TSBP1: variants seen among roughly 807,000 people sequenced by gnomAD.
TSBP1 encodes testis expressed basic protein 1.
TSBP1 carries 56 observed loss-of-function variants against 68.8 expected under a neutral mutation model. The observed-to-expected ratio is 0.81, with a 90% CI of 0.66 to 1.02. The LOEUF (loss-of-function observed/expected upper bound fraction) is 1.02. Ranked by LOEUF, TSBP1 falls within the 50% of genes least tolerant of loss-of-function variation. The pLI, the probability that TSBP1 is intolerant of heterozygous loss-of-function variation, is 0.00. For synonymous variants in TSBP1, 171 were observed against 208.7 expected (o/e 0.82, Z 1.56); for missense variants, 502 against 641.2 (o/e 0.78, Z 2.34).
chr6:32,318,670 A>G (rs888005219), intron 18 of TSBP1, among the ~76,000 whole-genome samples: 1 of 152,214 alleles, frequency 6.6e-6, no homozygotes, highest in Non-Finnish European at 1.5e-5. Context: ...GTTTGATTCC[A>G]TTTATATGAA....
intron 16 of TSBP1, among the ~76,000 whole-genome samples, chr6:32,330,151 C>T (rs1380747939): frequency 6.6e-6 from 1 of 152,048 alleles, no homozygotes; most frequent in Non-Finnish European, 1.5e-5. Context: ...TAGACTAGAC[C>T]CTGCATAGTA....
intron 6 of TSBP1, among the ~76,000 whole-genome samples, chr6:32,363,557 C>T (rs1322235019): frequency 6.7e-6 from 1 of 150,270 alleles, no homozygotes; most frequent in Non-Finnish European, 1.5e-5. Context: ...TTACCATAAG[C>T]TTACATAAAA....
chr6:32,334,581 C>A (rs1049416056), intron 14 of TSBP1, among the ~76,000 whole-genome samples: 18 of 152,088 alleles, frequency 1.2e-4, no homozygotes, highest in African/African-American at 4.1e-4. Context: ...TACTCATTGC[C>A]ATTTGAATGT....
chr6:32,324,577 A>G (rs901049952), intron 16 of TSBP1: 59 of 1,533,044 alleles, frequency 3.8e-5, no homozygotes, highest in Middle Eastern at 1.7e-4. Flanking sequence ...TTGTATCCCA[A>G]TATGGGCAGA....
intron 15 of TSBP1, among the ~76,000 whole-genome samples, chr6:32,330,871 A>C (rs9296023): frequency 2.6e-5 from 4 of 151,406 alleles, no homozygotes; most frequent in African/African-American, 9.7e-5. Context: ...GGGTTTCACC[A>C]TGTTGGCCAG....
chr6:32,332,205 A>G (rs888754015), intron 14 of TSBP1, 151 bp from the exon 16 acceptor site: 5 of 610,874 alleles, frequency 8.2e-6, no homozygotes, highest in African/African-American at 7.6e-5. Context: ...TAATCCAACT[A>G]TATTAACTAT....
At chr6:32,293,390 A>C (rs1312117631) in exon 23 of TSBP1, 2 of 1,611,962 alleles carry the variant, frequency 1.2e-6, no homozygotes, top group Non-Finnish European at 1.7e-6. Context: ...AGTCTTCTCT[A>C]CTTGGCCTTC....
In TSBP1 at chr6:32,332,033, C is replaced by G. The variant is rs749420851; in HGVS notation, c.493+1G>C. On this transcript the variant is annotated splice_donor_variant, in intron 15 of 22. Coordinates refer to ENST00000612031, the Ensembl canonical transcript of TSBP1. LOFTEE classifies it high-confidence loss of function. ...TAAGTTGATATATACAGGCAGCTTA[C>G]CAATAGGTCCTGGAGTTTGCACTAA... The G allele has an allele frequency of 2.6e-5, 41 of 1,596,976 alleles. No homozygotes were observed. Among genetic ancestry groups the G allele is most frequent in the Non-Finnish European group, 3.0e-5 (35 of 1,165,650 alleles).
chr6:32,371,831 C>T, exon 1 of TSBP1: 2 of 1,046,984 alleles, frequency 1.9e-6, no homozygotes, highest in East Asian at 4.7e-5. Context: ...GTCAGGGAGG[C>T]CCTTGTAGGC....
Position 32,365,825 on chromosome 6 carries a change from T to TGGACTCCC in TSBP1, c.217+334_217+341dup, listed in dbSNP as rs1298477721. 4.6e-6 allele frequency: 2 copies of TGGACTCCC among 434,010 alleles called. No homozygotes were observed. The highest frequency in any genetic ancestry group is 4.0e-5 in the African/African-American group (2 of 49,402). 26.9% of individuals were successfully genotyped at this position (434,010 alleles called of 1,614,324 possible). A position where few individuals can be genotyped will look rare whatever the true frequency, so the allele number is the denominator to read the frequency against. On this transcript the variant is annotated intron_variant, in intron 6 of 22. Coordinates refer to ENST00000612031, the Ensembl canonical transcript of TSBP1. The surrounding 1 kb of genome is among the most constrained non-coding windows in gnomAD (Gnocchi z 4.3). ...TGCTGGAACTTCTCTGCTGGACTCC[T>TGGACTCCC]GGACTCCCACAATGGTATTGTCTCA... is the stretch of plus-strand genomic sequence containing the variant.
intron 9 of TSBP1, among the ~76,000 whole-genome samples, chr6:32,346,575 T>C (rs1332529896): frequency 1.3e-5 from 2 of 152,152 alleles, no homozygotes; most frequent in South Asian, 2.1e-4. Flanking sequence ...CGGTGTCTCA[T>C]GCCTGTAACC....
intron 2 of TSBP1, among the ~76,000 whole-genome samples, chr6:32,369,465 G>A (rs968982427): frequency 6.8e-6 from 1 of 147,880 alleles, no homozygotes; most frequent in Non-Finnish European, 1.5e-5. Flanking sequence ...CCGTCTCCTG[G>A]GTTCAAACAA....
chr6:32,370,561 G>A (rs1245728114), intron 1 of TSBP1, among the ~76,000 whole-genome samples: 1 of 151,658 alleles, frequency 6.6e-6, no homozygotes, highest in African/African-American at 2.4e-5. Flanking sequence ...GACTGAAGGT[G>A]GTTTTATTAA....
chr6:32,347,439 G>A (rs9268284), intron 9 of TSBP1, among the ~76,000 whole-genome samples: 51,045 of 151,910 alleles, frequency 0.34, 9,645 homozygotes, highest in Middle Eastern at 0.52. Context: ...ATGCCTGAAT[G>A]TAGGTAAATG....
chr6:32,369,486 TCA>T (rs1281932158), intron 2 of TSBP1, among the ~76,000 whole-genome samples: 1 of 150,782 alleles, frequency 6.6e-6, no homozygotes, highest in Non-Finnish European at 1.5e-5. Context: ...TTCTCCTGCC[TCA>T]GTCTCCCGAG....
At chr6:32,308,957 C>CCTTTTTTTTTTTTTT (rs1562075680) in intron 19 of TSBP1, among the ~76,000 whole-genome samples, 1 of 122,050 alleles carries the variant, frequency 8.2e-6, no homozygotes. Flanking sequence ...TTTCTTCCTG[C>CCTTTTTTTTTTTTTT]TTTTTTTTTT....
At chr6:32,293,225 C>T in exon 23 of TSBP1, 1 of 1,612,846 alleles carries the variant, frequency 6.2e-7, no homozygotes, top group Non-Finnish European at 8.5e-7. Flanking sequence ...GGCTTCCTGT[C>T]CTTTTAGTAC....
Position 32,325,484 on chromosome 6 carries a change from T to G in TSBP1, c.515-1870A>C. The stretch of plus-strand genomic sequence containing the variant: ...GAAGAGCTGTGGAACCAAAGAGAGC[T>G]GTCTCAAGAGAAGATTCTCAAATAC... On this transcript the variant is annotated intron_variant, in intron 16 of 22. Coordinates refer to ENST00000612031, the Ensembl canonical transcript of TSBP1. The surrounding 1 kb of genome is among the most constrained non-coding windows in gnomAD (Gnocchi z 4.4). 1 of 898,164 alleles carries G rather than the reference T, an allele frequency of 1.1e-6. No individual in the cohort carries two copies. Among genetic ancestry groups the G allele is most frequent in the Non-Finnish European group, 1.8e-6 (1 of 543,108 alleles). 55.6% of individuals were successfully genotyped at this position (898,164 alleles called of 1,614,324 possible).
chr6:32,326,621 G>A (rs968719259), intron 16 of TSBP1, among the ~76,000 whole-genome samples: 1 of 152,180 alleles, frequency 6.6e-6, no homozygotes, highest in African/African-American at 2.4e-5. Context: ...GGAGATAATT[G>A]AGTTTCACTC....
Sources: allele counts gnomAD v4.1 joint callset (sites outside exome capture counted in the v4.1 genomes callset), GRCh38; gene constraint gnomAD v4.1.1; non-coding constraint Gnocchi (gnomAD v3.1); transcripts MANE v1.5; gene names NCBI Gene and HGNC (gene_info 2026-07-23, HGNC 2026-07-21).